Variants in RERE observed in about 807,000 individuals in gnomAD.
RERE encodes the protein arginine-glutamic acid dipeptide repeats protein.
RERE carries 40 observed loss-of-function variants against 146.1 expected under a neutral mutation model. That is an observed-to-expected ratio of 0.27 (90% CI 0.21 to 0.36). The LOEUF is 0.36. RERE is among the 10% of genes least tolerant of loss of function. The pLI is 1.00. For missense variants in RERE, 1,933 were observed against 2,138.7 expected, an observed-to-expected ratio of 0.90 and a Z score of 1.90; for synonymous variants, 1,003 against 866.0, an observed-to-expected ratio of 1.16 and a Z score of -2.78.
At chr1:8,625,138 T>C (rs182328398) in intron 2 of RERE, among the ~76,000 whole-genome samples, 31 of 151,800 alleles carry the variant, frequency 2.0e-4, no homozygotes, top group African/African-American at 7.5e-4. Flanking sequence ...GTTTGTTTGT[T>C]TGTTTGTTTT....
intron 1 of RERE, among the ~76,000 whole-genome samples, chr1:8,728,279 A>C (rs1557506946): frequency 6.6e-6 from 1 of 152,052 alleles, no homozygotes; most frequent in Non-Finnish European, 1.5e-5. Flanking sequence ...TAACCTAATA[A>C]CTCCATAGGC....
chr1:8,655,928 C>A, intron 2 of RERE, 45 bp downstream of exon 2: 2 of 1,587,334 alleles, frequency 1.3e-6, no homozygotes, highest in South Asian at 1.2e-5. Context: ...CAAGATCATT[C>A]CCCCACTGTA....
intron 4 of RERE, among the ~76,000 whole-genome samples, chr1:8,609,230 A>G (rs1646760788): frequency 6.6e-6 from 1 of 152,130 alleles, no homozygotes; most frequent in Non-Finnish European, 1.5e-5. Flanking sequence ...AAAAAAAAAA[A>G]AAAAGGAATA....
intron 12 of RERE, among the ~76,000 whole-genome samples, chr1:8,417,281 C>T (rs551848311): frequency 2.0e-5 from 3 of 152,166 alleles, no homozygotes; most frequent in African/African-American, 7.2e-5. Flanking sequence ...TTATTCTCTG[C>T]TGCAGGAATA....
In RERE at chr1:8,589,175, CACACCT is replaced by C. The variant is rs113375123; in HGVS notation, c.522+25380_522+25385del. Among the ~76,000 whole-genome samples the C allele has an allele frequency of 9.7e-3, 1,465 of 151,772 alleles. 28 individuals are homozygous for C. The highest frequency in any genetic ancestry group is 0.034 in the African/African-American group (1,409 of 41,334). ...ACTGACAAGGCCAGGCGTGGTGGCT[CACACCT>C]GTAATCTCAGAACTTTGGAAGGCTG... On this transcript the variant is annotated intron_variant, in intron 4 of 22. Transcript: ENST00000400908.
intron 1 of RERE, among the ~76,000 whole-genome samples, chr1:8,704,213 T>C (rs1639515443): frequency 6.6e-6 from 1 of 152,212 alleles, no homozygotes; most frequent in Non-Finnish European, 1.5e-5. Context: ...AAAATATATA[T>C]ATCAACTTGC....
intron 7 of RERE, among the ~76,000 whole-genome samples, chr1:8,534,817 T>C (rs1557676745): frequency 6.6e-6 from 1 of 152,214 alleles, no homozygotes. Context: ...GTCCAGCAAC[T>C]GGTCAAAGTG....
intron 1 of RERE, among the ~76,000 whole-genome samples, chr1:8,720,550 C>A (rs1639844150): frequency 6.6e-6 from 1 of 151,864 alleles, no homozygotes; most frequent in Non-Finnish European, 1.5e-5. Flanking sequence ...AGAGAGAGAA[C>A]AAGAACGAGC....
intron 4 of RERE, among the ~76,000 whole-genome samples, chr1:8,567,822 A>G (rs780698839): frequency 1.3e-5 from 2 of 152,208 alleles, no homozygotes; most frequent in African/African-American, 2.4e-5. Context: ...GTTGTCCTTA[A>G]TATCACACAC....
At chr1:8,620,122 C>T (rs1646900174) in intron 3 of RERE, among the ~76,000 whole-genome samples, 1 of 152,176 alleles carries the variant, frequency 6.6e-6, no homozygotes, top group African/African-American at 2.4e-5. Context: ...AAGTAAGTCA[C>T]ATGGTGACCT....
chr1:8,790,506 T>C (rs184061376), intron 1 of RERE, among the ~76,000 whole-genome samples: 1 of 152,368 alleles, frequency 6.6e-6, no homozygotes, highest in Admixed American at 6.5e-5. Flanking sequence ...TGTATCAATT[T>C]ATAAGATGCT....
chr1:8,447,198 C>G (rs896556399), intron 11 of RERE, among the ~76,000 whole-genome samples: 6 of 151,552 alleles, frequency 4.0e-5, no homozygotes, highest in Non-Finnish European at 8.8e-5. Context: ...TTCCTCTAAC[C>G]TTTTTTCAAG....
intron 2 of RERE, among the ~76,000 whole-genome samples, chr1:8,653,089 T>C (rs1470094387): frequency 1.3e-5 from 2 of 152,172 alleles, no homozygotes; most frequent in Non-Finnish European, 1.5e-5. Flanking sequence ...ATGGGAAAAA[T>C]AGCCGGTGTT....
At chr1:8,510,722 C>A (rs1385539664) in intron 7 of RERE, among the ~76,000 whole-genome samples, 1 of 152,180 alleles carries the variant, frequency 6.6e-6, no homozygotes, top group Non-Finnish European at 1.5e-5. Context: ...TGCTTTCTTG[C>A]CTACAAGTAG....
chr1:8,650,694 C>T (rs375299226), intron 2 of RERE, among the ~76,000 whole-genome samples: 51 of 152,084 alleles, frequency 3.4e-4, no homozygotes, highest in East Asian at 1.9e-4. Flanking sequence ...GTCAGGAGAT[C>T]GAGACCATCC....
At position 8,356,167 on chromosome 1, in the gene RERE, G is replaced by A. The variant is rs770684746; in HGVS notation, c.4419C>T (p.Gly1473=). ...PHLARFPYPP[G]TLPNPLLGQP... Reference sequence around the variant, plus strand: ...GTCCAAGCAGAGGGTTGGGGAGAGTGCCAGGCGGGTAGGGGAAGCGAGCCA... The same window carrying A: ...GTCCAAGCAGAGGGTTGGGGAGAGTACCAGGCGGGTAGGGGAAGCGAGCCA... Residue 1473 remains glycine, a synonymous_variant, in exon 21 of 23, where the codon GGC becomes GGT. Transcript: ENST00000400908. This position sits in a 1 kb window ranked among gnomAD's most constrained non-coding sequence, Gnocchi z 5.2. 9 of 1,522,328 alleles carry A rather than the reference G, an allele frequency of 5.9e-6. No individual in the cohort carries two copies. The East Asian group carries it at 1.3e-4, about 22-fold the overall frequency. The allele number at this position is 1,522,328 out of a possible 1,614,324, so 94.3% of individuals were successfully genotyped here.
At chr1:8,716,300 A>T (rs1197853287) in intron 1 of RERE, among the ~76,000 whole-genome samples, 685 of 19,156 alleles carry the variant, frequency 0.036, 1 homozygote, top group Non-Finnish European at 0.045. Flanking sequence ...TCATCTCTAC[A>T]AAAAAAAAAA....
chr1:8,376,344 GA>G (rs1325613734), intron 12 of RERE, among the ~76,000 whole-genome samples: 1 of 152,162 alleles, frequency 6.6e-6, no homozygotes, highest in Non-Finnish European at 1.5e-5. Flanking sequence ...GCTCAGGGTA[GA>G]GCCCCCATCC....
intron 2 of RERE, among the ~76,000 whole-genome samples, chr1:8,633,322 T>C (rs1242073355): frequency 1.3e-5 from 2 of 150,664 alleles, no homozygotes; most frequent in Admixed American, 6.6e-5. Context: ...GCTTAGGAGG[T>C]TGAGGTGGGA....
Sources: allele counts gnomAD v4.1 joint callset (sites outside exome capture counted in the v4.1 genomes callset), GRCh38; gene constraint gnomAD v4.1.1; non-coding constraint Gnocchi (gnomAD v3.1); transcripts MANE v1.5; gene names NCBI Gene and HGNC (gene_info 2026-07-23, HGNC 2026-07-21).